The following PTPRT variants were observed in gnomAD, a reference collection of about 807,000 sequenced individuals.
The protein encoded by PTPRT is protein tyrosine phosphatase receptor type T, also known as receptor-type tyrosine-protein phosphatase T.
Under a neutral mutation model 176.8 loss-of-function variants are expected in PTPRT, and 56 were observed. That is an observed-to-expected ratio of 0.32 (90% CI 0.26 to 0.40). The LOEUF (loss-of-function observed/expected upper bound fraction) is 0.40. PTPRT is among the 10% of genes least tolerant of loss of function. The probability of loss-of-function intolerance (pLI) is 1.00; values close to 1 mark genes in which losing one functional copy is unlikely to be tolerated. For missense variants in PTPRT, 1,540 were observed against 1,908.2 expected (o/e 0.81, Z 3.60); for synonymous variants, 783 against 739.0 (o/e 1.06, Z -0.96).
intron 18 of PTPRT, 106 bp from the exon 19 acceptor site, chr20:42,128,936 G>T (rs1298354290): frequency 1.1e-6 from 1 of 874,250 alleles, no homozygotes; most frequent in Non-Finnish European, 1.6e-6. Context: ...CAGGCATTGT[G>T]CTACTCTCAT....
chr20:42,862,790 G>A (rs1261386090), intron 2 of PTPRT, among the ~76,000 whole-genome samples: 3 of 152,120 alleles, frequency 2.0e-5, no homozygotes, highest in African/African-American at 7.2e-5. Context: ...ATATCGGCTG[G>A]GTTTACAGCC....
chr20:42,149,924 G>A (rs1160920257), intron 17 of PTPRT, among the ~76,000 whole-genome samples: 1 of 152,190 alleles, frequency 6.6e-6, no homozygotes, highest in Non-Finnish European at 1.5e-5. Context: ...GAGCCCATGG[G>A]AGGCTCAGAC....
chr20:42,436,915 G>A (rs1050337415), intron 9 of PTPRT, among the ~76,000 whole-genome samples: 13 of 152,114 alleles, frequency 8.5e-5, no homozygotes, highest in Admixed American at 2.0e-4. Context: ...GAATAAAAAC[G>A]TCCCAAAAGC....
intron 2 of PTPRT, among the ~76,000 whole-genome samples, chr20:42,816,197 T>A (rs532089626): frequency 9.3e-4 from 142 of 152,226 alleles, no homozygotes; most frequent in African/African-American, 3.3e-3. Context: ...TCTCATGAAA[T>A]AAGAGAAGTT....
chr20:42,749,165 T>C (rs932617570), intron 6 of PTPRT, among the ~76,000 whole-genome samples: 4 of 152,154 alleles, frequency 2.6e-5, no homozygotes, highest in Non-Finnish European at 5.9e-5. Flanking sequence ...TGCACACTAC[T>C]ATCCATGGCC....
intron 6 of PTPRT, among the ~76,000 whole-genome samples, chr20:42,744,368 T>C (rs1163218935): frequency 2.0e-5 from 3 of 151,768 alleles, no homozygotes; most frequent in Non-Finnish European, 4.4e-5. Flanking sequence ...GAGGAGACTT[T>C]AAAAAAAAAT....
At chr20:42,056,367 A>G in the PTPRT span, among the ~76,000 whole-genome samples, 2 of 152,226 alleles carry the variant, frequency 1.3e-5, no homozygotes, top group Non-Finnish European at 2.9e-5. Flanking sequence ...AACTCAAAAT[A>G]TGCACCAAAT....
intron 9 of PTPRT, among the ~76,000 whole-genome samples, chr20:42,399,409 C>A (rs1033040150): frequency 6.6e-6 from 1 of 152,208 alleles, no homozygotes. Context: ...GAGAAGCCAC[C>A]CTTAGTGCCA....
chr20:42,156,721 A>G (rs192367998), intron 17 of PTPRT, among the ~76,000 whole-genome samples: 2 of 152,338 alleles, frequency 1.3e-5, no homozygotes, highest in Admixed American at 1.3e-4. Context: ...TTCCTTTTGT[A>G]ACATACACCA....
intron 18 of PTPRT, among the ~76,000 whole-genome samples, chr20:42,139,896 A>G (rs994789006): frequency 6.6e-6 from 1 of 152,256 alleles, no homozygotes; most frequent in African/African-American, 2.4e-5. Context: ...GAGGAGGCCC[A>G]CATGTCATAA....
At chr20:42,915,400 A>G (rs73910620) in intron 1 of PTPRT, among the ~76,000 whole-genome samples, 4,609 of 152,274 alleles carry the variant, frequency 0.03, 154 homozygotes, top group African/African-American at 0.083. Flanking sequence ...TCTGATCTGC[A>G]TAAGGGTCCC....
intron 9 of PTPRT, among the ~76,000 whole-genome samples, chr20:42,380,245 C>T (rs1375553063): frequency 1.3e-5 from 2 of 152,196 alleles, no homozygotes; most frequent in Admixed American, 1.3e-4. Context: ...GAGACTGGAT[C>T]CCTGATCTAA....
chr20:42,118,039 C>G (rs187137891), intron 21 of PTPRT, among the ~76,000 whole-genome samples: 1 of 152,142 alleles, frequency 6.6e-6, no homozygotes, highest in East Asian at 1.9e-4. Context: ...CCATTTGGGT[C>G]AACAAAAACA....
chr20:42,778,788 C>A (rs1228320992), intron 4 of PTPRT, among the ~76,000 whole-genome samples: 2 of 152,100 alleles, frequency 1.3e-5, no homozygotes, highest in African/African-American at 4.8e-5. Context: ...CTACATAAAC[C>A]CTGCATAGCT....
intron 7 of PTPRT, among the ~76,000 whole-genome samples, chr20:42,667,787 T>G (rs2075341695): frequency 6.6e-6 from 1 of 152,192 alleles, no homozygotes; most frequent in South Asian, 2.1e-4. Flanking sequence ...TAGTGCAGTC[T>G]CCTTCCTCAG....
intron 6 of PTPRT, among the ~76,000 whole-genome samples, chr20:42,697,278 C>T (rs1216017855): frequency 1.3e-5 from 2 of 152,146 alleles, no homozygotes; most frequent in African/African-American, 4.8e-5. Context: ...TAAAAGGATA[C>T]GGGTTACTGT....
At chr20:42,929,276 A>C (rs1214088143) in intron 1 of PTPRT, among the ~76,000 whole-genome samples, 1 of 152,268 alleles carries the variant, frequency 6.6e-6, no homozygotes, top group East Asian at 1.9e-4. Context: ...ACACTCACGC[A>C]CTTGAAGTGC....
At chr20:42,247,595 C>T (rs1275777875) in intron 14 of PTPRT, among the ~76,000 whole-genome samples, 3 of 152,176 alleles carry the variant, frequency 2.0e-5, no homozygotes, top group African/African-American at 7.2e-5. Flanking sequence ...TAAGCAAACC[C>T]AGAGCTTCAG....
At chr20:42,797,502 C>A (rs1205659668) in intron 2 of PTPRT, among the ~76,000 whole-genome samples, 3 of 152,064 alleles carry the variant, frequency 2.0e-5, no homozygotes, top group Non-Finnish European at 4.4e-5. Context: ...TCCTGACCCC[C>A]ACCCCTCCTG....
Sources: gnomAD v4.1 joint callset for allele counts (sites outside exome capture counted in the v4.1 genomes callset) on GRCh38, gnomAD v4.1.1 for gene constraint, MANE v1.5 for transcripts, NCBI Gene and HGNC (gene_info 2026-07-23, HGNC 2026-07-21) for gene names.